Variants in DENND1A observed in about 807,000 individuals in gnomAD.
The protein encoded by DENND1A is DENN domain containing 1A, also known as DENN domain-containing protein 1A.
Under a neutral mutation model 113.7 loss-of-function variants are expected in DENND1A, and 51 were observed. The observed-to-expected ratio is 0.45, with a 90% confidence interval of 0.36 to 0.57. The LOEUF (loss-of-function observed/expected upper bound fraction) is 0.57, where lower values mean the gene tolerates loss of function less well. Among genes scored for constraint, DENND1A ranks in the 20% least tolerant of loss-of-function variants. DENND1A has a pLI of 0.00. For synonymous variants in DENND1A, 565 were observed against 570.8 expected, an observed-to-expected ratio of 0.99 and a Z score of 0.14; for missense variants, 1,258 against 1,395.9, an observed-to-expected ratio of 0.90 and a Z score of 1.57.
chr9:123,803,746 A>T (rs1434068897), intron 2 of DENND1A, among the ~76,000 whole-genome samples: 2 of 152,236 alleles, frequency 1.3e-5, no homozygotes, highest in African/African-American at 4.8e-5. Flanking sequence ...TAAAAGGTCA[A>T]GCCCACTTTC....
chr9:123,908,825 C>G (rs1178822690), intron 1 of DENND1A, among the ~76,000 whole-genome samples: 1 of 152,100 alleles, frequency 6.6e-6, no homozygotes, highest in East Asian at 1.9e-4. Context: ...AAACACCATT[C>G]GACCCAGCCA....
chr9:123,875,960 T>C (rs1847392189), intron 2 of DENND1A, among the ~76,000 whole-genome samples: 1 of 152,244 alleles, frequency 6.6e-6, no homozygotes. Context: ...ATTATATTTC[T>C]TAACCTGGAT....
intron 1 of DENND1A, among the ~76,000 whole-genome samples, chr9:123,884,201 C>T (rs142164796): frequency 2.0e-5 from 3 of 152,144 alleles, no homozygotes; most frequent in East Asian, 1.9e-4. Context: ...AGGCTCTCTG[C>T]GACCACCTTG....
chr9:123,733,169 C>T (rs528169148), intron 5 of DENND1A, among the ~76,000 whole-genome samples: 27 of 152,122 alleles, frequency 1.8e-4, no homozygotes, highest in Non-Finnish European at 3.4e-4. Context: ...TTAGTAGAGA[C>T]GGGGTTTCTC....
At chr9:123,481,289 G>A (rs543974633) in intron 13 of DENND1A, among the ~76,000 whole-genome samples, 1 of 152,352 alleles carries the variant, frequency 6.6e-6, no homozygotes, top group South Asian at 2.1e-4. Flanking sequence ...TTAGTTGGTG[G>A]AGGTGGCAAT....
At chr9:123,742,317 T>A (rs1482420279) in intron 5 of DENND1A, among the ~76,000 whole-genome samples, 2 of 152,122 alleles carry the variant, frequency 1.3e-5, no homozygotes, top group Non-Finnish European at 1.5e-5. Context: ...TGAATGAGTT[T>A]AACAAAGGAG....
intron 12 of DENND1A, among the ~76,000 whole-genome samples, chr9:123,576,115 T>C (rs183920773): frequency 3.2e-4 from 48 of 152,338 alleles, no homozygotes; most frequent in Non-Finnish European, 1.5e-4. Flanking sequence ...CCTCCCTTAG[T>C]GGCCCTTGTA....
At chr9:123,460,372 T>G (rs1173479255) in intron 13 of DENND1A, among the ~76,000 whole-genome samples, 1 of 152,164 alleles carries the variant, frequency 6.6e-6, no homozygotes, top group South Asian at 2.1e-4. Context: ...TCTCTCCAGG[T>G]GATCTCATCC....
chr9:123,851,318 T>C (rs1211590177), intron 2 of DENND1A, among the ~76,000 whole-genome samples: 1 of 152,218 alleles, frequency 6.6e-6, no homozygotes, highest in Non-Finnish European at 1.5e-5. Context: ...TCACTCAAGA[T>C]AATTATGTTG....
In DENND1A at chr9:123,513,506, T is replaced by G. The variant is rs183278891; in HGVS notation, c.993+44064A>C. Among the ~76,000 whole-genome samples, 205 of 152,316 alleles carry G rather than the reference T, an allele frequency of 1.3e-3. 2 individuals carry two copies. The highest frequency in any genetic ancestry group is 0.013 in the South Asian group (61 of 4,826). On this transcript the variant is annotated intron_variant, in intron 13 of 23. Coordinates refer to ENST00000394215, the MANE Select transcript of DENND1A (RefSeq NM_001352964.2). ...TTCTCAGTTGAGATCGGCACATCTT[T>G]CCCTGGTTGCTAAGAGGACACACCA...
At chr9:123,559,295 A>G (rs1162334304) in intron 12 of DENND1A, among the ~76,000 whole-genome samples, 2 of 152,222 alleles carry the variant, frequency 1.3e-5, no homozygotes, top group African/African-American at 2.4e-5. Flanking sequence ...CAGAAAACTA[A>G]TGATTGGTTT....
chr9:123,501,012 T>A (rs907224290), intron 13 of DENND1A, among the ~76,000 whole-genome samples: 5 of 152,240 alleles, frequency 3.3e-5, no homozygotes, highest in Non-Finnish European at 4.4e-5. Flanking sequence ...GCATTCATAC[T>A]ATTGTGTAAC....
At chr9:123,891,165 C>T (rs1230952226) in intron 1 of DENND1A, among the ~76,000 whole-genome samples, 1 of 152,174 alleles carries the variant, frequency 6.6e-6, no homozygotes, top group Non-Finnish European at 1.5e-5. Context: ...TCCAGAATTA[C>T]AGAGTGGTGC....
intron 3 of DENND1A, among the ~76,000 whole-genome samples, chr9:123,788,518 C>T (rs1832531909): frequency 6.6e-6 from 1 of 152,042 alleles, no homozygotes; most frequent in Non-Finnish European, 1.5e-5. Flanking sequence ...CCAATTATTT[C>T]CATAACTATG....
intron 13 of DENND1A, among the ~76,000 whole-genome samples, chr9:123,514,758 C>T (rs938811258): frequency 6.6e-6 from 1 of 152,142 alleles, no homozygotes; most frequent in Non-Finnish European, 1.5e-5. Context: ...AAGTGCCTAT[C>T]GTGGGTCTGG....
intron 5 of DENND1A, among the ~76,000 whole-genome samples, chr9:123,738,048 C>T (rs911158634): frequency 5.9e-5 from 9 of 152,142 alleles, no homozygotes; most frequent in African/African-American, 1.9e-4. Context: ...ATAAGAGAAA[C>T]GCTATCCTGA....
At chr9:123,671,745 T>G (rs115865665) in intron 6 of DENND1A, among the ~76,000 whole-genome samples, 1 of 152,202 alleles carries the variant, frequency 6.6e-6, no homozygotes, top group Non-Finnish European at 1.5e-5. Context: ...GATGACACTA[T>G]AGATCTTGTC....
At chr9:123,416,032 G>T (rs2044699697) in intron 19 of DENND1A, among the ~76,000 whole-genome samples, 1 of 152,192 alleles carries the variant, frequency 6.6e-6, no homozygotes, top group Non-Finnish European at 1.5e-5. Context: ...CTCTCTTCCA[G>T]AGAGTGGCCC....
At chr9:123,813,769 A>T (rs999027483) in intron 2 of DENND1A, among the ~76,000 whole-genome samples, 1 of 152,174 alleles carries the variant, frequency 6.6e-6, no homozygotes, top group Non-Finnish European at 1.5e-5. Flanking sequence ...TAATACTCAT[A>T]AGATACCAAG....
Sources: gnomAD v4.1 joint callset for allele counts (sites outside exome capture counted in the v4.1 genomes callset) on GRCh38, gnomAD v4.1.1 for gene constraint, MANE v1.5 for transcripts, NCBI Gene and HGNC (gene_info 2026-07-23, HGNC 2026-07-21) for gene names.